The following CACNA1H variants were observed in gnomAD, a reference collection of about 807,000 sequenced individuals.
CACNA1H encodes the protein voltage-dependent T-type calcium channel subunit alpha-1H.
CACNA1H carries 149 observed loss-of-function variants against 192.5 expected under a neutral mutation model. The observed-to-expected ratio is 0.77, with a 90% CI of 0.68 to 0.89. CACNA1H has a LOEUF of 0.89. Among genes scored for constraint, CACNA1H ranks in the 40% least tolerant of loss-of-function variants. CACNA1H has a pLI of 0.00. For missense variants in CACNA1H, 4,257 were observed against 3,423.5 expected, an observed-to-expected ratio of 1.24 and a Z score of -6.08; for synonymous variants, 2,202 against 1,475.2, an observed-to-expected ratio of 1.49 and a Z score of -11.29.
At chr16:1,207,584 C>T (rs772613372) in intron 14 of CACNA1H, among the ~76,000 whole-genome samples, 154 bp downstream of exon 14, 10 of 152,036 alleles carry the variant, frequency 6.6e-5, no homozygotes, top group South Asian at 2.1e-4. Flanking sequence ...AGGAGCCCAG[C>T]GGAGTGGGCA....
chr16:1,159,259 C>T (rs966348129), intron 2 of CACNA1H, among the ~76,000 whole-genome samples: 15 of 152,188 alleles, frequency 9.9e-5, no homozygotes, highest in South Asian at 2.1e-4. Flanking sequence ...GCCCCTCGGA[C>T]GGTGGGGTGG....
chr16:1,206,081 C>T (rs1454299482), intron 11 of CACNA1H, 23 bp from the exon 12 acceptor site: 2 of 1,544,922 alleles, frequency 1.3e-6, no homozygotes, highest in South Asian at 2.4e-5. Context: ...GCCCCGCTGA[C>T]CCTCGCCCCC....
intron 2 of CACNA1H, among the ~76,000 whole-genome samples, chr16:1,185,471 A>C (rs1438619999): frequency 3.5e-5 from 5 of 144,900 alleles, no homozygotes; most frequent in Non-Finnish European, 6.0e-5. Context: ...CGGCAGCCAG[A>C]CTCCCACATG....
chr16:1,202,391 C>A lies in CACNA1H; in HGVS notation c.1941C>A (p.Gly647=). ...GACCGCCAGGCACCGGGGGGCACGGCCCGTTGAGCTTGAACAGCCCTGATC... is the reference window on the plus strand; with the variant it reads ...GACCGCCAGGCACCGGGGGGCACGGACCGTTGAGCTTGAACAGCCCTGATC... ...AGGPPGTGGH[G]PLSLNSPDPY... Residue 647 remains glycine, a synonymous_variant, in exon 9 of 35, where the codon GGC becomes GGA. Transcript: ENST00000348261. The A allele has an allele frequency of 6.5e-7, 1 of 1,546,326 alleles. No homozygotes were observed. Among genetic ancestry groups the A allele is most frequent in the South Asian group, 1.2e-5 (1 of 83,076 alleles).
At chr16:1,183,489 C>T (rs1965678998) in intron 2 of CACNA1H, among the ~76,000 whole-genome samples, 1 of 152,214 alleles carries the variant, frequency 6.6e-6, no homozygotes, top group South Asian at 2.1e-4. Context: ...AAACCTCCTT[C>T]AGTCAGCGCA....
At position 1,209,060 on chromosome 16, in the gene CACNA1H, C is replaced by T; in HGVS notation, c.3392C>T (p.Pro1131Leu). The T allele has an allele frequency of 1.3e-6, 2 of 1,537,764 alleles. No homozygotes were observed. Among genetic ancestry groups the T allele is most frequent in the Non-Finnish European group, 1.7e-6 (2 of 1,147,768 alleles). Reference sequence around the variant, plus strand: ...AGCCTCCGAAGTTCTCCCTGTGCCCCCTGGGGCCCCAGTGGCGCCTGGAGC... The same window carrying T: ...AGCCTCCGAAGTTCTCCCTGTGCCCTCTGGGGCCCCAGTGGCGCCTGGAGC... ...PASLRSSPCA[P>L]WGPSGAWSSR... Residue 1131 changes from proline to leucine, a missense_variant, in exon 17 of 35, where the codon CCC becomes CTC. Coordinates refer to ENST00000348261, the MANE Select transcript of CACNA1H (RefSeq NM_021098.3).
chr16:1,205,282 T>C lies in CACNA1H; in HGVS notation c.2603+17T>C. On this transcript the variant is annotated intron_variant, in intron 11 of 34. Transcript: ENST00000348261. ...GGTCATCAGGTGGGTCCCCACCCTCTCCCCAGGAAGAGGGGCCCGGGAAGC... is the reference window on the plus strand; with the variant it reads ...GGTCATCAGGTGGGTCCCCACCCTCCCCCCAGGAAGAGGGGCCCGGGAAGC... The C allele has an allele frequency of 6.3e-7, 1 of 1,585,786 alleles. No homozygotes were observed. The highest frequency in any genetic ancestry group is 8.6e-7 in the Non-Finnish European group (1 of 1,160,428).
At chr16:1,212,814 T>C (rs959003507) in intron 26 of CACNA1H, among the ~76,000 whole-genome samples, 2 of 152,194 alleles carry the variant, frequency 1.3e-5, no homozygotes, top group African/African-American at 4.8e-5. Context: ...CTTGTGGCTG[T>C]CCTGTGTCCT....
intron 2 of CACNA1H, among the ~76,000 whole-genome samples, chr16:1,193,435 C>A (rs923455506): frequency 6.6e-6 from 1 of 152,250 alleles, no homozygotes. Flanking sequence ...CACGCAAACC[C>A]CACCCCCACC....
intron 2 of CACNA1H, among the ~76,000 whole-genome samples, chr16:1,177,171 G>A (rs892184972): frequency 6.6e-6 from 1 of 152,176 alleles, no homozygotes; most frequent in Non-Finnish European, 1.5e-5. Flanking sequence ...GGACATCTCG[G>A]ACTCTCGGAC....
chr16:1,217,552 C>T (rs559803924), intron 31 of CACNA1H, among the ~76,000 whole-genome samples: 3 of 152,360 alleles, frequency 2.0e-5, no homozygotes, highest in South Asian at 2.1e-4. Context: ...CCTGTCCCGA[C>T]GGTGGGTGTG....
chr16:1,213,120 G>A (rs530424574), intron 26 of CACNA1H, among the ~76,000 whole-genome samples: 1 of 152,236 alleles, frequency 6.6e-6, no homozygotes, highest in East Asian at 1.9e-4. Context: ...GATGGCGGGC[G>A]CCGACTTCAG....
At chr16:1,196,190 C>T (rs1966948306) in intron 5 of CACNA1H, among the ~76,000 whole-genome samples, 167 bp downstream of exon 5, 3 of 152,258 alleles carry the variant, frequency 2.0e-5, no homozygotes, top group Non-Finnish European at 4.4e-5. Context: ...TGCCGCTATC[C>T]GTGGGCCTTG....
At chr16:1,212,414 C>A in intron 25 of CACNA1H, 97 bp from the exon 26 acceptor site, 1 of 1,309,272 alleles carries the variant, frequency 7.6e-7, no homozygotes, top group Non-Finnish European at 1.1e-6. Context: ...GGAGCCAGCA[C>A]AGCCCCCGAG....
chr16:1,153,359 C>CCGGGGG lies in CACNA1H; in HGVS notation c.-126_-121dup, dbSNP rs1961826319. 1 of 141,840 alleles carries CCGGGGG rather than the reference C, an allele frequency of 7.1e-6. No individual in the cohort carries two copies. Among genetic ancestry groups the CCGGGGG allele is most frequent in the Admixed American group, 6.9e-5 (1 of 14,414 alleles). The allele number at this position is 141,840 out of a possible 1,614,324, so 8.8% of individuals were successfully genotyped here. ...GAGGCGCTGGGGGCCGGGGCCGGGG[C>CCGGGGG]CGGGGGCGGAGGCGCTGGGGGCCGG... On this transcript the variant is annotated 5_prime_UTR_variant, in exon 1 of 35. Coordinates refer to ENST00000348261, the MANE Select transcript of CACNA1H (RefSeq NM_021098.3).
intron 2 of CACNA1H, among the ~76,000 whole-genome samples, chr16:1,186,525 C>T (rs945572589): frequency 6.6e-6 from 1 of 152,094 alleles, no homozygotes; most frequent in Non-Finnish European, 1.5e-5. Context: ...CCACGGCGTT[C>T]TCATCCTCCG....
At chr16:1,212,807 G>T (rs1047862118) in intron 26 of CACNA1H, among the ~76,000 whole-genome samples, 3 of 152,238 alleles carry the variant, frequency 2.0e-5, no homozygotes, top group Non-Finnish European at 4.4e-5. Flanking sequence ...CTGCAGGCTT[G>T]TGGCTGTCCT....
rs924601477 is a variant in CACNA1H at position 1,205,096 on chromosome 16, C to T, written c.2452-18C>T. 18 of 1,606,322 alleles carry T rather than the reference C, an allele frequency of 1.1e-5. No homozygotes were observed. The highest frequency in any genetic ancestry group is 3.4e-5 in the Admixed American group (2 of 59,606). On this transcript the variant is annotated intron_variant, in intron 10 of 34. Coordinates refer to ENST00000348261, the MANE Select transcript of CACNA1H (RefSeq NM_021098.3). ...CCGCGGGTGCGGCCTCCTGAACTGT[C>T]CCCACCTCTGCCTGCAGCCCGAGGA...
At position 1,170,854 on chromosome 16, in the gene CACNA1H, C is replaced by T. The variant is rs533825048; in HGVS notation, c.299+16818C>T. Among the ~76,000 whole-genome samples, 43 of 152,268 alleles carry T rather than the reference C, an allele frequency of 2.8e-4. No individual in the cohort carries two copies. The South Asian group carries it at 7.9e-3, about 28-fold the overall frequency. Reference sequence around the variant, plus strand: ...TTTCTTTTTGTTTTGGGTGCTGGCCCCGGTCCTGTGGGTCAGGGTTCAAGG... The same window carrying T: ...TTTCTTTTTGTTTTGGGTGCTGGCCTCGGTCCTGTGGGTCAGGGTTCAAGG... On this transcript the variant is annotated intron_variant, in intron 2 of 34. Coordinates refer to ENST00000348261, the MANE Select transcript of CACNA1H (RefSeq NM_021098.3).
Sources: gnomAD v4.1 joint callset for allele counts (sites outside exome capture counted in the v4.1 genomes callset) on GRCh38, gnomAD v4.1.1 for gene constraint, MANE v1.5 for transcripts, NCBI Gene and HGNC (gene_info 2026-07-23, HGNC 2026-07-21) for gene names.